The following CDH23 variants were observed in gnomAD, a reference collection of about 807,000 sequenced individuals.
CDH23 encodes cadherin related 23.
CDH23 carries 189 observed loss-of-function variants against 317.1 expected under a neutral mutation model. The ratio of observed to expected loss-of-function variants is 0.60; its 90% CI spans 0.53 to 0.67. The LOEUF is 0.67. CDH23 is among the 30% of genes least tolerant of loss of function. CDH23 has a pLI of 0.00. For synonymous variants in CDH23, 1,839 were observed against 1,876.8 expected, an observed-to-expected ratio of 0.98 and a Z score of 0.52; for missense variants, 4,401 against 4,592.4, an observed-to-expected ratio of 0.96 and a Z score of 1.20.
intron 3 of CDH23, among the ~76,000 whole-genome samples, chr10:71,500,001 A>G (rs2132164841): frequency 7.2e-6 from 1 of 138,982 alleles, no homozygotes; most frequent in African/African-American, 2.8e-5. Context: ...CCTGGGTGAC[A>G]GAGCGAGACT....
intron 8 of CDH23, among the ~76,000 whole-genome samples, chr10:71,576,016 G>C (rs35383128): frequency 0.059 from 8,928 of 152,340 alleles, 367 homozygotes; most frequent in Non-Finnish European, 0.088. Flanking sequence ...TTTAGGAAGA[G>C]TCCCCATTGT....
intron 27 of CDH23, among the ~76,000 whole-genome samples, chr10:71,709,925 A>G (rs773350925): frequency 1.3e-5 from 2 of 152,166 alleles, no homozygotes; most frequent in African/African-American, 2.4e-5. Flanking sequence ...CCTGTCTTAC[A>G]TGGATGGTAG....
intron 2 of CDH23, among the ~76,000 whole-genome samples, chr10:71,443,171 G>A (rs1392530242): frequency 1.3e-5 from 2 of 152,238 alleles, no homozygotes; most frequent in African/African-American, 4.8e-5. Context: ...CTGAGGCCTG[G>A]GGAGGCGACC....
At position 71,609,950 on chromosome 10, in the gene CDH23, CCGTG is replaced by C. The variant is rs1336866314; in HGVS notation, c.833-5553_833-5550del. ...CTTTCCAGAATGTGTAAGGACTCCC[CCGTG>C]TGTGTGTGTGTGTGTGTGTGTGTGT... is the stretch of plus-strand genomic sequence containing the variant. On this transcript the variant is annotated intron_variant, in intron 9 of 69. Transcript: ENST00000224721. 3.4e-5 allele frequency among the ~76,000 whole-genome samples: 4 copies of C among 117,488 alleles called. No homozygotes were observed. In the East Asian group the frequency reaches 9.2e-4, roughly 27 times the overall value. 77.1% of individuals were successfully genotyped at this position (117,488 alleles called of 152,430 possible).
intron 9 of CDH23, among the ~76,000 whole-genome samples, chr10:71,613,398 A>G (rs1005185022): frequency 3.3e-5 from 5 of 152,240 alleles, no homozygotes; most frequent in Non-Finnish European, 7.3e-5. Flanking sequence ...GGATAGCTAC[A>G]GTGACACCCC....
At chr10:71,805,223 T>C (rs1434784369) in intron 55 of CDH23, among the ~76,000 whole-genome samples, 1 of 152,218 alleles carries the variant, frequency 6.6e-6, no homozygotes, top group African/African-American at 2.4e-5. Flanking sequence ...TTCAGGAGAC[T>C]GAGGCTCAGG....
intron 44 of CDH23, among the ~76,000 whole-genome samples, chr10:71,787,715 C>T (rs1218975379): frequency 2.0e-5 from 3 of 152,202 alleles, no homozygotes; most frequent in East Asian, 1.9e-4. Flanking sequence ...GCAAAAGACA[C>T]GACTTCACTC....
intron 3 of CDH23, among the ~76,000 whole-genome samples, chr10:71,460,149 C>G (rs1016924895): frequency 6.6e-6 from 1 of 152,180 alleles, no homozygotes; most frequent in African/African-American, 2.4e-5. Flanking sequence ...GCCCACATGT[C>G]TCTCTCTCTC....
chr10:71,660,017 A>C (rs1198153928), intron 14 of CDH23, among the ~76,000 whole-genome samples: 1 of 135,106 alleles, frequency 7.4e-6, no homozygotes, highest in Non-Finnish European at 1.5e-5. Context: ...CTGGAGTACC[A>C]TAGTGCGATC....
chr10:71,733,833 A>G (rs1839470429), intron 32 of CDH23, among the ~76,000 whole-genome samples: 1 of 152,238 alleles, frequency 6.6e-6, no homozygotes, highest in African/African-American at 2.4e-5. Context: ...GTGAATCACT[A>G]CAACGTGACA....
At chr10:71,719,969 C>G (rs1866473701) in intron 28 of CDH23, 1 of 152,832 alleles carries the variant, frequency 6.5e-6, no homozygotes, top group Admixed American at 6.5e-5. Flanking sequence ...CCTTGGAGCC[C>G]TCTCAGGGGT....
chr10:71,691,800 A>G (rs1865195477), intron 20 of CDH23, among the ~76,000 whole-genome samples: 1 of 152,232 alleles, frequency 6.6e-6, no homozygotes, highest in African/African-American at 2.4e-5. Flanking sequence ...AGTGGCCAGC[A>G]GGGCATCAGC....
chr10:71,703,478 T>C lies in CDH23; in HGVS notation c.2733+784T>C, dbSNP rs571347245. Among the ~76,000 whole-genome samples, 9 of 152,358 alleles carry C rather than the reference T, an allele frequency of 5.9e-5. No homozygotes were observed. In the East Asian group the frequency reaches 1.7e-3, roughly 29 times the overall value. Reference sequence around the variant, plus strand: ...AATAATAGTACCTGCCTGGCTGTGCTGTGGGGACTCAATCAGACACACGTA... The same window carrying C: ...AATAATAGTACCTGCCTGGCTGTGCCGTGGGGACTCAATCAGACACACGTA... On this transcript the variant is annotated intron_variant, in intron 24 of 69. Transcript: ENST00000224721.
intron 30 of CDH23, among the ~76,000 whole-genome samples, chr10:71,730,035 C>T (rs1045983966): frequency 6.6e-6 from 1 of 151,950 alleles, no homozygotes; most frequent in African/African-American, 2.4e-5. Context: ...GGGGTTTCAC[C>T]GTGTTAGCCA....
intron 3 of CDH23, among the ~76,000 whole-genome samples, chr10:71,478,008 G>A (rs1354259358): frequency 6.6e-6 from 1 of 152,048 alleles, no homozygotes; most frequent in Admixed American, 6.5e-5. Flanking sequence ...ATGAGAATTG[G>A]CACATAAGAT....
chr10:71,623,168 G>A (rs1301002008), intron 11 of CDH23, among the ~76,000 whole-genome samples: 3 of 152,178 alleles, frequency 2.0e-5, no homozygotes, highest in African/African-American at 7.2e-5. Flanking sequence ...CTATAAACAG[G>A]GTGAGTGAGT....
chr10:71,549,326 G>A lies in CDH23; in HGVS notation c.430-17416G>A, dbSNP rs567236879. On this transcript the variant is annotated intron_variant, in intron 6 of 69. Coordinates refer to ENST00000224721, the MANE Select transcript of CDH23 (RefSeq NM_022124.6). ...GGTCAGAAAGCTGTTGTAAGTGAATGATAAGACTGACCGATTAGCCCATAT... is the reference window on the plus strand; with the variant it reads ...GGTCAGAAAGCTGTTGTAAGTGAATAATAAGACTGACCGATTAGCCCATAT... Among the ~76,000 whole-genome samples the A allele has an allele frequency of 8.5e-5, 13 of 152,314 alleles. No homozygotes were observed. The South Asian group carries it at 2.7e-3, about 32-fold the overall frequency.
chr10:71,547,444 G>A lies in CDH23; in HGVS notation c.430-19298G>A, dbSNP rs185150114. 2.6e-5 allele frequency among the ~76,000 whole-genome samples: 4 copies of A among 152,392 alleles called. No individual in the cohort carries two copies. The East Asian group carries it at 5.8e-4, about 22-fold the overall frequency. ...TGAAGCCGAGAAGGGCAACCAGGCA[G>A]GCCAGGCAGCGCAGGTGTGGAAGGG... On this transcript the variant is annotated intron_variant, in intron 6 of 69. Coordinates refer to ENST00000224721, the MANE Select transcript of CDH23 (RefSeq NM_022124.6).
intron 21 of CDH23, 46 bp downstream of exon 21, chr10:71,694,305 G>C (rs569840602): frequency 6.9e-7 from 1 of 1,457,562 alleles, no homozygotes; most frequent in Admixed American, 1.7e-5. Flanking sequence ...TCGCCGGCCA[G>C]GCTGCTGCTC....
Sources: gnomAD v4.1 joint callset for allele counts (sites outside exome capture counted in the v4.1 genomes callset) on GRCh38, gnomAD v4.1.1 for gene constraint, MANE v1.5 for transcripts, NCBI Gene and HGNC (gene_info 2026-07-23, HGNC 2026-07-21) for gene names.